Variants in PPP2R5E observed in about 807,000 individuals in gnomAD.
PPP2R5E encodes the protein protein phosphatase 2 regulatory subunit B'epsilon, also known as serine/threonine-protein phosphatase 2A 56 kDa regulatory subunit epsilon isoform.
In PPP2R5E, 4 loss-of-function variants were observed where a neutral mutation model predicts 65.3. The ratio of observed to expected loss-of-function variants is 0.06; its 90% CI spans 0.03 to 0.14. PPP2R5E has a LOEUF of 0.14. Ranked by LOEUF, PPP2R5E falls within the 10% of genes least tolerant of loss-of-function variation. The pLI is 1.00. For missense variants in PPP2R5E, 274 were observed against 556.1 expected, an observed-to-expected ratio of 0.49 and a Z score of 5.10; for synonymous variants, 183 against 187.4, an observed-to-expected ratio of 0.98 and a Z score of 0.19.
intron 11 of PPP2R5E, among the ~76,000 whole-genome samples, chr14:63,385,111 G>T (rs886116512): frequency 1.3e-5 from 2 of 152,186 alleles, no homozygotes; most frequent in African/African-American, 4.8e-5. Flanking sequence ...CAGATCACTT[G>T]AGCCCAAGAG....
At chr14:63,426,631 T>A (rs1020762007) in intron 3 of PPP2R5E, among the ~76,000 whole-genome samples, 25 of 151,176 alleles carry the variant, frequency 1.7e-4, no homozygotes, top group Non-Finnish European at 7.4e-5. Context: ...CTTGAACTTG[T>A]TTATATAAGA....
chr14:63,467,329 C>G (rs1889885075), intron 2 of PPP2R5E, among the ~76,000 whole-genome samples: 1 of 152,036 alleles, frequency 6.6e-6, no homozygotes, highest in Admixed American at 6.5e-5. Flanking sequence ...AAGACAGTCA[C>G]TGAAACCTAA....
chr14:63,385,154 T>C (rs965839793), intron 11 of PPP2R5E, among the ~76,000 whole-genome samples: 20 of 152,088 alleles, frequency 1.3e-4, no homozygotes, highest in East Asian at 9.8e-4. Context: ...TGGGGAGACC[T>C]CGCCTCTACA....
intron 2 of PPP2R5E, among the ~76,000 whole-genome samples, chr14:63,506,480 CA>C (rs1892186734): frequency 6.6e-6 from 1 of 151,944 alleles, no homozygotes; most frequent in African/African-American, 2.4e-5. Flanking sequence ...ATAATAATAA[CA>C]AAAAGATAAT....
chr14:63,407,661 A>G (rs913973089), intron 5 of PPP2R5E, among the ~76,000 whole-genome samples: 1 of 152,216 alleles, frequency 6.6e-6, no homozygotes, highest in African/African-American at 2.4e-5. Flanking sequence ...TCCTTTCAAA[A>G]TTGTTAATGC....
intron 2 of PPP2R5E, among the ~76,000 whole-genome samples, chr14:63,485,634 G>T (rs186434599): frequency 0.022 from 3,380 of 151,446 alleles, 73 homozygotes; most frequent in African/African-American, 0.061. Flanking sequence ...GGCTGGTCTC[G>T]AACTCCCAAC....
chr14:63,506,015 T>C (rs1892153641), intron 2 of PPP2R5E, among the ~76,000 whole-genome samples: 1 of 152,182 alleles, frequency 6.6e-6, no homozygotes, highest in Non-Finnish European at 1.5e-5. Context: ...TTGACAAATA[T>C]TTTCTGAGCA....
At chr14:63,520,154 G>A (rs894222309) in intron 2 of PPP2R5E, among the ~76,000 whole-genome samples, 1 of 152,158 alleles carries the variant, frequency 6.6e-6, no homozygotes, top group African/African-American at 2.4e-5. Flanking sequence ...TCCCGCCTCA[G>A]CCTCTGGAGT....
rs538104765 is a variant in PPP2R5E, at chr14:63,451,066, G to C, written c.354+2623C>G. On this transcript the variant is annotated intron_variant, in intron 3 of 13. Transcript: ENST00000337537. The stretch of plus-strand genomic sequence containing the variant: ...TCACTCCTGGTAGGAATGCAAAATA[G>C]TACCACTACCCTGGAAGACAGTTTG... 7.9e-5 allele frequency among the ~76,000 whole-genome samples: 12 copies of C among 152,204 alleles called. No homozygotes were observed. In the South Asian group the frequency reaches 2.5e-3, roughly 32 times the overall value.
chr14:63,394,407 G>C (rs550864155), intron 7 of PPP2R5E, among the ~76,000 whole-genome samples: 3,880 of 152,158 alleles, frequency 0.025, 168 homozygotes, highest in African/African-American at 0.089. Context: ...TGACTTCAAG[G>C]AATACAAAAA....
intron 2 of PPP2R5E, among the ~76,000 whole-genome samples, chr14:63,526,443 A>C (rs936888423): frequency 6.6e-6 from 1 of 152,240 alleles, no homozygotes; most frequent in Non-Finnish European, 1.5e-5. Flanking sequence ...TCTCTGATAG[A>C]AGTAAGCAAT....
rs377339613 is a variant in PPP2R5E at position 63,505,303 on chromosome 14, TAAGACC to T, written c.157+34220_157+34225del. ...CTCTGTCAAATAAATAAATAAATAC[TAAGACC>T]ATCTAATCTGGTAGCTCCAAAAGAA... is the stretch of plus-strand genomic sequence containing the variant. On this transcript the variant is annotated intron_variant, in intron 2 of 13. Coordinates refer to ENST00000337537, the MANE Select transcript of PPP2R5E (RefSeq NM_006246.5). 9.8e-3 allele frequency among the ~76,000 whole-genome samples: 1,498 copies of T among 152,176 alleles called. 30 individuals carry two copies. The highest frequency in any genetic ancestry group is 0.034 in the African/African-American group (1,420 of 41,510).
At chr14:63,507,143 C>A (rs966010711) in intron 2 of PPP2R5E, among the ~76,000 whole-genome samples, 4 of 152,106 alleles carry the variant, frequency 2.6e-5, no homozygotes, top group Non-Finnish European at 4.4e-5. Context: ...GCAGGGGGCA[C>A]AAGGGAGGAT....
intron 2 of PPP2R5E, among the ~76,000 whole-genome samples, chr14:63,496,133 T>C (rs1483272026): frequency 6.6e-6 from 1 of 152,204 alleles, no homozygotes; most frequent in East Asian, 1.9e-4. Context: ...TGGATTATTC[T>C]GCATCATACA....
intron 5 of PPP2R5E, among the ~76,000 whole-genome samples, chr14:63,399,366 C>CTTTGT (rs1885604828): frequency 2.5e-4 from 12 of 48,518 alleles, no homozygotes; most frequent in Admixed American, 6.6e-4. Flanking sequence ...GGATTTCTTT[C>CTTTGT]TTTTTTTTTT....
intron 5 of PPP2R5E, among the ~76,000 whole-genome samples, chr14:63,402,021 T>C (rs1048302861): frequency 2.0e-5 from 3 of 152,198 alleles, no homozygotes; most frequent in African/African-American, 7.2e-5. Context: ...TGATTTACAA[T>C]GTAAGTCTGG....
At chr14:63,497,758 A>C (rs946449309) in intron 2 of PPP2R5E, among the ~76,000 whole-genome samples, 1 of 146,534 alleles carries the variant, frequency 6.8e-6, no homozygotes, top group African/African-American at 2.6e-5. Flanking sequence ...AAAAAAACAA[A>C]CAAACAAACA....
intron 2 of PPP2R5E, among the ~76,000 whole-genome samples, chr14:63,481,495 C>CAAAA (rs59764365): frequency 2.1e-5 from 2 of 93,098 alleles, no homozygotes; most frequent in Admixed American, 1.2e-4. Context: ...GACTCCATCT[C>CAAAA]AAAAAAAAAA....
chr14:63,414,520 G>A (rs1566684663), intron 5 of PPP2R5E, among the ~76,000 whole-genome samples: 1 of 152,130 alleles, frequency 6.6e-6, no homozygotes, highest in Non-Finnish European at 1.5e-5. Flanking sequence ...TAAAACTTCA[G>A]TGCCATGAAA....
Sources: gnomAD v4.1 joint callset for allele counts (sites outside exome capture counted in the v4.1 genomes callset) on GRCh38, gnomAD v4.1.1 for gene constraint, MANE v1.5 for transcripts, NCBI Gene and HGNC (gene_info 2026-07-23, HGNC 2026-07-21) for gene names.